Variants in PARD3 observed in about 807,000 individuals in gnomAD.
PARD3 encodes par-3 family cell polarity regulator, also known as partitioning defective 3 homolog.
In PARD3, 75 loss-of-function variants were observed where a neutral mutation model predicts 155.4. The observed-to-expected ratio is 0.48, with a 90% CI of 0.40 to 0.58. The LOEUF (loss-of-function observed/expected upper bound fraction) is 0.58. PARD3 is among the 20% of genes least tolerant of loss of function. The pLI is 0.00. For synonymous variants in PARD3, 576 were observed against 610.5 expected, an observed-to-expected ratio of 0.94 and a Z score of 0.83; for missense variants, 1,642 against 1,721.7, an observed-to-expected ratio of 0.95 and a Z score of 0.82.
At chr10:34,208,260 G>T (rs1951572679) in intron 22 of PARD3, among the ~76,000 whole-genome samples, 1 of 152,232 alleles carries the variant, frequency 6.6e-6, no homozygotes, top group African/African-American at 2.4e-5. Context: ...ATTCATTAAA[G>T]AAGAAGTATT....
intron 2 of PARD3, among the ~76,000 whole-genome samples, chr10:34,611,803 CT>C (rs1312021725): frequency 7.3e-6 from 1 of 137,600 alleles, no homozygotes; most frequent in Non-Finnish European, 1.5e-5. Flanking sequence ...TGATACATTT[CT>C]TTCTTTTTTT....
At chr10:34,589,324 G>A (rs979311907) in intron 2 of PARD3, among the ~76,000 whole-genome samples, 5 of 152,134 alleles carry the variant, frequency 3.3e-5, no homozygotes, top group Admixed American at 6.5e-5. Context: ...TCACGTTGAA[G>A]TCCTAACACC....
At chr10:34,667,990 T>C (rs528980543) in intron 2 of PARD3, among the ~76,000 whole-genome samples, 1 of 152,318 alleles carries the variant, frequency 6.6e-6, no homozygotes, top group East Asian at 1.9e-4. Flanking sequence ...TAATGGTGCA[T>C]GTCTCCTGCT....
intron 1 of PARD3, among the ~76,000 whole-genome samples, chr10:34,798,475 C>A (rs1178966490): frequency 1.3e-5 from 2 of 151,788 alleles, no homozygotes; most frequent in Admixed American, 1.3e-4. Context: ...GAGGCTGAGG[C>A]AGGTGGATCA....
chr10:34,278,629 TTCTTC>T, intron 21 of PARD3, among the ~76,000 whole-genome samples: 1 of 152,054 alleles, frequency 6.6e-6, no homozygotes, highest in Non-Finnish European at 1.5e-5. Flanking sequence ...TGGGCTCTCA[TTCTTC>T]TCTTTTCTCC....
At chr10:34,671,874 T>A (rs2093616242) in intron 2 of PARD3, among the ~76,000 whole-genome samples, 1 of 152,116 alleles carries the variant, frequency 6.6e-6, no homozygotes, top group Admixed American at 6.5e-5. Context: ...AACTCTAGAT[T>A]TACATATCAC....
intron 2 of PARD3, among the ~76,000 whole-genome samples, chr10:34,584,843 T>TA (rs977358841): frequency 2.6e-5 from 4 of 152,184 alleles, no homozygotes; most frequent in Non-Finnish European, 5.9e-5. Context: ...TAAAACACTT[T>TA]AGGCTCATTA....
intron 1 of PARD3, among the ~76,000 whole-genome samples, chr10:34,698,333 C>T (rs966867780): frequency 1.2e-4 from 19 of 152,138 alleles, no homozygotes; most frequent in African/African-American, 3.9e-4. Context: ...GCTACATTTC[C>T]ACCTTTTCCC....
intron 4 of PARD3, among the ~76,000 whole-genome samples, chr10:34,462,680 T>TA (rs1005168258): frequency 3.9e-4 from 57 of 146,788 alleles, no homozygotes; most frequent in Admixed American, 7.5e-4. Context: ...CCCCATCTCT[T>TA]AAAAAAAAAA....
In PARD3 at chr10:34,382,906, G is replaced by C. The variant is rs779684625; in HGVS notation, c.1033C>G (p.Arg345Gly). The change falls in exon 9 of 25, where the codon CGC (arginine) becomes GGC (glycine). Residue 345 changes from arginine to glycine, a missense_variant. Arg to Gly is a moderately radical substitution (Grantham distance 125). This residue lies in a region of PARD3 where 1,529 missense variants were observed against 1,587.3 expected (regional missense o/e 0.96). Coordinates refer to ENST00000374788, the MANE Select transcript of PARD3 (RefSeq NM_001184785.2). The stretch of plus-strand genomic sequence containing the variant: ...ATGATGGGTGTACGCATGGCTTGGC[G>C]AAACATATGTTGTGCTCTGGGTTTG... ...RRFEQAQHMF[R>G]QAMRTPIIWF... is the part of the protein sequence containing the mutation. 1.9e-6 allele frequency: 3 copies of C among 1,613,936 alleles called. No individual in the cohort carries two copies. The highest frequency in any genetic ancestry group is 3.3e-5 in the Admixed American group (2 of 59,978).
chr10:34,450,282 A>G, intron 5 of PARD3, 35 bp downstream of exon 5: 2 of 1,597,112 alleles, frequency 1.3e-6, no homozygotes, highest in Non-Finnish European at 1.7e-6. Flanking sequence ...AGGATGTTAC[A>G]GCAATGACGC....
At chr10:34,169,208 G>A (rs947759635) in intron 22 of PARD3, among the ~76,000 whole-genome samples, 6 of 152,198 alleles carry the variant, frequency 3.9e-5, no homozygotes, top group Admixed American at 2.6e-4. Flanking sequence ...TCTATGTGCT[G>A]TGCATTGCAG....
intron 1 of PARD3, among the ~76,000 whole-genome samples, chr10:34,805,905 A>AG (rs1403677742): frequency 6.6e-6 from 1 of 151,866 alleles, no homozygotes; most frequent in African/African-American, 2.4e-5. Context: ...TGAACCTAGG[A>AG]GGTGGAGCTT....
At chr10:34,290,362 C>T (rs1956618814) in intron 20 of PARD3, among the ~76,000 whole-genome samples, 1 of 152,186 alleles carries the variant, frequency 6.6e-6, no homozygotes, top group Admixed American at 6.5e-5. Context: ...TTCTTCAAAA[C>T]ACCCCACTGA....
chr10:34,795,763 G>A (rs1353438052), intron 1 of PARD3, among the ~76,000 whole-genome samples: 3 of 152,030 alleles, frequency 2.0e-5, no homozygotes, highest in Non-Finnish European at 4.4e-5. Flanking sequence ...GCGTGGTGGT[G>A]CATGCCTGTA....
At chr10:34,267,027 G>A (rs1470371262) in intron 22 of PARD3, among the ~76,000 whole-genome samples, 2 of 152,134 alleles carry the variant, frequency 1.3e-5, no homozygotes, top group Admixed American at 6.6e-5. Flanking sequence ...AAACTGCTAC[G>A]TGGTAGTCTA....
At chr10:34,775,884 T>G (rs1839468430) in intron 1 of PARD3, among the ~76,000 whole-genome samples, 1 of 152,156 alleles carries the variant, frequency 6.6e-6, no homozygotes, top group African/African-American at 2.4e-5. Flanking sequence ...AAAGCTATCA[T>G]CCTCACCACC....
chr10:34,812,137 G>A (rs184074483), intron 1 of PARD3, among the ~76,000 whole-genome samples: 1 of 152,310 alleles, frequency 6.6e-6, no homozygotes, highest in East Asian at 1.9e-4. Flanking sequence ...TGTGTAATCT[G>A]AAGAGAAAAC....
chr10:34,400,280 C>T (rs1232789925), intron 6 of PARD3, among the ~76,000 whole-genome samples: 2 of 152,128 alleles, frequency 1.3e-5, no homozygotes, highest in African/African-American at 2.4e-5. Context: ...TATTATATGA[C>T]ATAACATGAA....
Sources: gnomAD v4.1 joint callset for allele counts (sites outside exome capture counted in the v4.1 genomes callset) on GRCh38, gnomAD v4.1.1 for gene constraint, gnomAD v4.1.1 regional missense constraint, MANE v1.5 for transcripts, NCBI Gene and HGNC (gene_info 2026-07-23, HGNC 2026-07-21) for gene names.